The following SMARCA5 variants were observed in gnomAD, a reference collection of about 807,000 sequenced individuals.
The protein encoded by SMARCA5 is SWI/SNF-related matrix-associated actin-dependent regulator of chromatin subfamily A member 5.
SMARCA5 carries 18 observed loss-of-function variants against 140.4 expected under a neutral mutation model. That is an observed-to-expected ratio of 0.13 (90% CI 0.09 to 0.19). The LOEUF (loss-of-function observed/expected upper bound fraction) is 0.19, where lower values mean the gene tolerates loss of function less well. SMARCA5 is among the 10% of genes least tolerant of loss of function. SMARCA5 has a pLI of 1.00. For missense variants in SMARCA5, 606 were observed against 1,276.8 expected, an observed-to-expected ratio of 0.47 and a Z score of 8.01; for synonymous variants, 449 against 419.6, an observed-to-expected ratio of 1.07 and a Z score of -0.86.
At chr4:143,542,947 C>A (rs1474493105) in intron 14 of SMARCA5, among the ~76,000 whole-genome samples, 1 of 152,072 alleles carries the variant, frequency 6.6e-6, no homozygotes, top group Non-Finnish European at 1.5e-5. Context: ...CATTGCACTC[C>A]AGCCTAAGCA....
chr4:143,535,027 T>G, intron 10 of SMARCA5, 63 bp downstream of exon 10: 2 of 1,178,660 alleles, frequency 1.7e-6, no homozygotes, highest in Non-Finnish European at 2.4e-6. Context: ...ATGTGTATTT[T>G]GTTTTCCTAA....
intron 7 of SMARCA5, 34 bp downstream of exon 7, chr4:143,528,057 G>A (rs1358197371): frequency 6.7e-7 from 1 of 1,487,986 alleles, no homozygotes. Flanking sequence ...AAGCCTTCAT[G>A]TAAGAATTTG....
Position 143,524,680 on chromosome 4 carries a change from T to G in SMARCA5, c.520+213T>G, listed in dbSNP as rs138514478. Among the ~76,000 whole-genome samples the G allele has an allele frequency of 2.0e-4, 30 of 152,356 alleles. 1 individual carries two copies. The East Asian group carries it at 5.6e-3, about 28-fold the overall frequency. On this transcript the variant is annotated intron_variant, in intron 4 of 23. Coordinates refer to ENST00000283131, the MANE Select transcript of SMARCA5 (RefSeq NM_003601.4). Reference sequence around the variant, plus strand: ...TTCAAAGTTATATAAAATGTCATTGTGTTTGTTATTGCCCTGAAGTATATG... The same window carrying G: ...TTCAAAGTTATATAAAATGTCATTGGGTTTGTTATTGCCCTGAAGTATATG...
At chr4:143,544,938 T>G in intron 17 of SMARCA5, 91 bp downstream of exon 17, 1 of 613,748 alleles carries the variant, frequency 1.6e-6, no homozygotes. Flanking sequence ...ATAATTAGAT[T>G]TTGTGTTTCT....
intron 7 of SMARCA5, 149 bp from the exon 8 acceptor site, chr4:143,528,434 G>A: frequency 1.7e-6 from 1 of 603,918 alleles, no homozygotes; most frequent in Non-Finnish European, 2.8e-6. Context: ...CTCTTTTATG[G>A]CTGCGTACTA....
chr4:143,547,289 A>G (rs1578805315), intron 20 of SMARCA5, 96 bp from the exon 21 acceptor site: 1 of 675,912 alleles, frequency 1.5e-6, no homozygotes, highest in South Asian at 1.9e-5. Context: ...GCAGAAATTT[A>G]AGAATTAGAA....
At chr4:143,536,396 G>T (rs766220734) in intron 10 of SMARCA5, 56 bp from the exon 11 acceptor site, 85 of 1,176,928 alleles carry the variant, frequency 7.2e-5, no homozygotes, top group Non-Finnish European at 9.8e-5. Context: ...ATGTAAAGTG[G>T]CAGGGATTGA....
chr4:143,537,048 A>G (rs1737322169), intron 11 of SMARCA5, among the ~76,000 whole-genome samples: 1 of 152,136 alleles, frequency 6.6e-6, no homozygotes, highest in African/African-American at 2.4e-5. Flanking sequence ...TTTTTTAATT[A>G]TTTATGTGGA....
intron 10 of SMARCA5, 151 bp from the exon 11 acceptor site, chr4:143,536,301 G>C (rs1249878202): frequency 1.6e-6 from 1 of 617,994 alleles, no homozygotes; most frequent in East Asian, 2.8e-5. Context: ...AGAGGTTACA[G>C]ATGTTAAATT....
At chr4:143,536,792 A>G in intron 11 of SMARCA5, 114 bp downstream of exon 11, 1 of 721,446 alleles carries the variant, frequency 1.4e-6, no homozygotes, top group Non-Finnish European at 2.4e-6. Flanking sequence ...TGACGTGTAG[A>G]ACATTAAAAA....
chr4:143,519,709 C>A (rs1736917133), intron 2 of SMARCA5, among the ~76,000 whole-genome samples: 1 of 152,082 alleles, frequency 6.6e-6, no homozygotes, highest in African/African-American at 2.4e-5. Flanking sequence ...GTTCTTGAAC[C>A]CAGAATGCTG....
In SMARCA5 at chr4:143,555,593, C is replaced by G; in HGVS notation, c.*2409C>G. 1 of 300,338 alleles carries G rather than the reference C, an allele frequency of 3.3e-6. No homozygotes were observed. The highest frequency in any genetic ancestry group is 3.2e-5 in the South Asian group (1 of 30,792). 18.6% of individuals were successfully genotyped at this position (300,338 alleles called of 1,614,324 possible). ...TCTTTTTTTTTTTTTAACAACAAAG[C>G]ATGAAAGATTGCTTAATTGTACATC... On this transcript the variant is annotated 3_prime_UTR_variant, in exon 24 of 24. Coordinates refer to ENST00000283131, the MANE Select transcript of SMARCA5 (RefSeq NM_003601.4).
At chr4:143,536,978 C>A (rs1737320569) in intron 11 of SMARCA5, among the ~76,000 whole-genome samples, 1 of 152,166 alleles carries the variant, frequency 6.6e-6, no homozygotes, top group Non-Finnish European at 1.5e-5. Flanking sequence ...GAATGCATCT[C>A]CCTCCCACAC....
rs748086851 is a variant in SMARCA5, at chr4:143,546,835, G to T, written c.2580G>T (p.Trp860Cys). The change falls in exon 20 of 24, where the codon TGG (tryptophan) becomes TGT (cysteine). Residue 860 changes from tryptophan to cysteine, a missense_variant. Physicochemically the swap from Trp to Cys is radical, Grantham distance 215. Around this residue, in one of 10 missense-constraint regions of SMARCA5, gnomAD observed 121 missense variants for 227.1 expected, o/e 0.53. Transcript: ENST00000283131. ...AGTTTATCAAAGCTAATGAGAAGTG[G>T]GGTCGTGATGATATTGAAAATATAG... ...FNQFIKANEKWGRDDIENIAR... is the reference protein window; with the variant it reads ...FNQFIKANEKCGRDDIENIAR... 1 of 1,612,012 alleles carries T rather than the reference G, an allele frequency of 6.2e-7. No homozygotes were observed. The highest frequency in any genetic ancestry group is 8.5e-7 in the Non-Finnish European group (1 of 1,178,406).
In SMARCA5 at chr4:143,524,478, C is replaced by T; in HGVS notation, c.520+11C>T. On this transcript the variant is annotated intron_variant, in intron 4 of 23. Coordinates refer to ENST00000283131, the MANE Select transcript of SMARCA5 (RefSeq NM_003601.4). ...AAGACTCTCCATCGTGTATGTTAAA[C>T]ACACTTGATTTTTTTAAAAAATTGC... The T allele has an allele frequency of 1.9e-6, 3 of 1,573,082 alleles. No individual in the cohort carries two copies. Among genetic ancestry groups the T allele is most frequent in the Non-Finnish European group, 2.6e-6 (3 of 1,147,904 alleles).
At chr4:143,544,662 A>G in intron 16 of SMARCA5, 75 bp from the exon 17 acceptor site, 1 of 845,370 alleles carries the variant, frequency 1.2e-6, no homozygotes, top group Non-Finnish European at 2.0e-6. Flanking sequence ...TTACATTTAC[A>G]AACATCCTTC....
In SMARCA5 at chr4:143,513,814, G is replaced by A; in HGVS notation, c.-111G>A. The A allele has an allele frequency of 7.8e-7, 1 of 1,278,182 alleles. No homozygotes were observed. The highest frequency in any genetic ancestry group is 1.1e-6 in the Non-Finnish European group (1 of 941,962). 79.2% of individuals were successfully genotyped at this position (1,278,182 alleles called of 1,614,324 possible). ...GGCGCAGGGGAGCGCTCGGGTGGGA[G>A]TCTCGCTCCTCCACCAGTTTATTGC... On this transcript the variant is annotated 5_prime_UTR_variant, in exon 1 of 24. Coordinates refer to ENST00000283131, the MANE Select transcript of SMARCA5 (RefSeq NM_003601.4).
Position 143,548,048 on chromosome 4 carries a change from G to A in SMARCA5, c.2893G>A (p.Asp965Asn). 6.2e-7 allele frequency: 1 copy of A among 1,612,652 alleles called. No homozygotes were observed. Among genetic ancestry groups the A allele is most frequent in the South Asian group, 1.1e-5 (1 of 91,020 alleles). ...TTGTATGCTTCACAAACTTGGATTTGACAAAGAAAATGTTTATGATGAATT... is the reference window on the plus strand; with the variant it reads ...TTGTATGCTTCACAAACTTGGATTTAACAAAGAAAATGTTTATGATGAATT... The part of the protein sequence containing the change: ...LICMLHKLGF[D>N]KENVYDELRQ... The change falls in exon 22 of 24, where the codon GAC (aspartate) becomes AAC (asparagine). Residue 965 changes from aspartate (D) to asparagine (N), a missense_variant. Transcript: ENST00000283131.
At chr4:143,522,671 T>G (rs1283994144) in intron 3 of SMARCA5, among the ~76,000 whole-genome samples, 1 of 152,200 alleles carries the variant, frequency 6.6e-6, no homozygotes, top group Non-Finnish European at 1.5e-5. Flanking sequence ...TCAGCTGTAT[T>G]TAAAATATTT....
Sources: gnomAD v4.1 joint callset for allele counts (sites outside exome capture counted in the v4.1 genomes callset) on GRCh38, gnomAD v4.1.1 for gene constraint, gnomAD v4.1.1 regional missense constraint, MANE v1.5 for transcripts, NCBI Gene and HGNC (gene_info 2026-07-23, HGNC 2026-07-21) for gene names.